The following GALNTL6 variants were observed in gnomAD, a reference collection of about 807,000 sequenced individuals.
GALNTL6 encodes polypeptide N-acetylgalactosaminyltransferase like 6.
Under a neutral mutation model 73.7 loss-of-function variants are expected in GALNTL6, and 46 were observed. The observed-to-expected ratio is 0.62, with a 90% confidence interval of 0.49 to 0.80. GALNTL6 has a LOEUF of 0.80. GALNTL6 is among the 30% of genes least tolerant of loss of function. The probability of loss-of-function intolerance (pLI) is 0.00; values close to 1 mark genes in which losing one functional copy is unlikely to be tolerated. For missense variants in GALNTL6, 604 were observed against 755.0 expected, an observed-to-expected ratio of 0.80 and a Z score of 2.34; for synonymous variants, 259 against 263.7, an observed-to-expected ratio of 0.98 and a Z score of 0.17.
chr4:172,672,572 T>C (rs1732049455), intron 5 of GALNTL6, among the ~76,000 whole-genome samples: 2 of 152,250 alleles, frequency 1.3e-5, no homozygotes, highest in African/African-American at 4.8e-5. Flanking sequence ...TTTTTTGGAA[T>C]GGTTTCAGTA....
At chr4:172,480,880 C>G (rs1186463550) in intron 5 of GALNTL6, among the ~76,000 whole-genome samples, 1 of 152,100 alleles carries the variant, frequency 6.6e-6, no homozygotes, top group Non-Finnish European at 1.5e-5. Flanking sequence ...CTAGACTAGC[C>G]TAGGAAGGGG....
intron 3 of GALNTL6, among the ~76,000 whole-genome samples, chr4:172,309,500 A>G (rs776207865): frequency 2.6e-5 from 4 of 152,112 alleles, no homozygotes; most frequent in African/African-American, 4.8e-5. Context: ...TGAGTTATAG[A>G]TGCATATTAT....
intron 5 of GALNTL6, among the ~76,000 whole-genome samples, chr4:172,715,291 T>C (rs1159968612): frequency 6.6e-6 from 1 of 152,174 alleles, no homozygotes; most frequent in Non-Finnish European, 1.5e-5. Flanking sequence ...CATGGGTGTA[T>C]GCACACACAC....
chr4:172,035,766 G>A (rs1413159201), intron 2 of GALNTL6, among the ~76,000 whole-genome samples: 1 of 152,128 alleles, frequency 6.6e-6, no homozygotes, highest in Non-Finnish European at 1.5e-5. Flanking sequence ...AAATGTGCCA[G>A]TGAACAGTGC....
chr4:172,164,037 G>A (rs1469161122), intron 2 of GALNTL6, among the ~76,000 whole-genome samples: 1 of 151,938 alleles, frequency 6.6e-6, no homozygotes, highest in African/African-American at 2.4e-5. Flanking sequence ...TCAGGGAATG[G>A]AAGTTTACGA....
At chr4:172,395,105 G>A (rs187432808) in intron 5 of GALNTL6, among the ~76,000 whole-genome samples, 39 of 152,154 alleles carry the variant, frequency 2.6e-4, no homozygotes, top group African/African-American at 7.0e-4. Flanking sequence ...ACAGGCTTTC[G>A]CTAGCTTTAG....
At chr4:172,588,468 C>T (rs1579217118) in intron 5 of GALNTL6, among the ~76,000 whole-genome samples, 3 of 151,410 alleles carry the variant, frequency 2.0e-5, no homozygotes, top group Admixed American at 1.3e-4. Context: ...GTGGCGTGTA[C>T]CTGTTGCCCC....
At position 172,377,906 on chromosome 4, in the gene GALNTL6, C is replaced by T. The variant is rs182961097; in HGVS notation, c.553+29217C>T. ...GCGCTGCACGCAGCACCAGATCCCC[C>T]CCCCCATGCCTCTTCCTCCACACCT... On this transcript the variant is annotated intron_variant, in intron 5 of 12. Transcript: ENST00000506823. 5.3e-5 allele frequency among the ~76,000 whole-genome samples: 8 copies of T among 152,086 alleles called. No individual in the cohort carries two copies. In the East Asian group the frequency reaches 7.8e-4, roughly 15 times the overall value.
intron 2 of GALNTL6, among the ~76,000 whole-genome samples, chr4:172,163,641 T>C (rs1371164163): frequency 1.3e-5 from 2 of 152,054 alleles, no homozygotes; most frequent in African/African-American, 4.8e-5. Flanking sequence ...ATTTATTATG[T>C]ACAGATCATA....
intron 8 of GALNTL6, among the ~76,000 whole-genome samples, chr4:172,890,401 G>A (rs1745969562): frequency 6.6e-6 from 1 of 152,012 alleles, no homozygotes; most frequent in South Asian, 2.1e-4. Flanking sequence ...AATACTGCTT[G>A]TGCTGCGTCC....
intron 5 of GALNTL6, among the ~76,000 whole-genome samples, chr4:172,606,336 C>G (rs999825547): frequency 2.0e-5 from 3 of 151,116 alleles, no homozygotes; most frequent in African/African-American, 7.3e-5. Flanking sequence ...TGCCTGTAAT[C>G]CCAGCTACTC....
chr4:172,675,719 A>G (rs190755006), intron 5 of GALNTL6, among the ~76,000 whole-genome samples: 93 of 152,350 alleles, frequency 6.1e-4, no homozygotes, highest in Non-Finnish European at 1.2e-3. Context: ...CAATTACTAT[A>G]TTTTTATTCA....
At chr4:172,790,576 T>C (rs1303423620) in intron 5 of GALNTL6, among the ~76,000 whole-genome samples, 1 of 152,172 alleles carries the variant, frequency 6.6e-6, no homozygotes, top group East Asian at 1.9e-4. Flanking sequence ...GCACCCAGTA[T>C]GTAGTATTTT....
Position 172,489,714 on chromosome 4 carries a change from CA to C in GALNTL6, c.553+141026del, listed in dbSNP as rs551832263. Among the ~76,000 whole-genome samples, 246 of 152,298 alleles carry C rather than the reference CA, an allele frequency of 1.6e-3. 2 individuals are homozygous for C. The highest frequency in any genetic ancestry group is 5.8e-3 in the African/African-American group (241 of 41,566). Reference sequence around the variant, plus strand: ...CTCTTTCAATGCAAAGGCACACCTACATACTCTAAGTGGTTGCTATTCAACC... The same window carrying C: ...CTCTTTCAATGCAAAGGCACACCTACTACTCTAAGTGGTTGCTATTCAACC... On this transcript the variant is annotated intron_variant, in intron 5 of 12. Coordinates refer to ENST00000506823, the MANE Select transcript of GALNTL6 (RefSeq NM_001034845.3).
chr4:172,121,667 A>G (rs746267316), intron 2 of GALNTL6, among the ~76,000 whole-genome samples: 157 of 152,248 alleles, frequency 1.0e-3, no homozygotes, highest in Non-Finnish European at 1.8e-3. Context: ...CAAAGGAGGT[A>G]TGGAGGTAGT....
intron 7 of GALNTL6, among the ~76,000 whole-genome samples, chr4:172,852,870 G>C (rs1035402440): frequency 6.6e-6 from 1 of 152,054 alleles, no homozygotes; most frequent in African/African-American, 2.4e-5. Flanking sequence ...GGTGTGTTAT[G>C]ATAAACCATG....
chr4:171,819,497 A>G (rs1361544229), intron 2 of GALNTL6, among the ~76,000 whole-genome samples: 1 of 152,188 alleles, frequency 6.6e-6, no homozygotes, highest in Non-Finnish European at 1.5e-5. Context: ...TCCCTGCAAA[A>G]GGAGCCAAAT....
intron 5 of GALNTL6, among the ~76,000 whole-genome samples, chr4:172,713,262 G>GTGTGTGTGTGTGTGTGTT (rs1734834933): frequency 7.9e-6 from 1 of 125,888 alleles, no homozygotes; most frequent in Non-Finnish European, 1.7e-5. Context: ...GTGTGTGTGT[G>GTGTGTGTGTGTGTGTGTT]TGTGTTTAGA....
chr4:173,025,414 T>TC (rs1364011973), intron 12 of GALNTL6, among the ~76,000 whole-genome samples: 1 of 152,208 alleles, frequency 6.6e-6, no homozygotes, highest in Non-Finnish European at 1.5e-5. Context: ...CAGTCATTGG[T>TC]CACTAAGACT....
Sources: gnomAD v4.1 joint callset for allele counts (sites outside exome capture counted in the v4.1 genomes callset) on GRCh38, gnomAD v4.1.1 for gene constraint, MANE v1.5 for transcripts, NCBI Gene and HGNC (gene_info 2026-07-23, HGNC 2026-07-21) for gene names.